The following TIMM17A variants were observed in gnomAD, a reference collection of about 807,000 sequenced individuals.
TIMM17A encodes translocase of inner mitochondrial membrane 17A.
Under a neutral mutation model 26.5 loss-of-function variants are expected in TIMM17A, and 15 were observed. That is an observed-to-expected ratio of 0.57 (90% confidence interval 0.38 to 0.87). TIMM17A has a LOEUF of 0.87. TIMM17A is among the 40% of genes least tolerant of loss of function. TIMM17A has a pLI of 0.00. For synonymous variants in TIMM17A, 80 were observed against 70.8 expected (o/e 1.13, Z -0.66); for missense variants, 201 against 210.0 (o/e 0.96, Z 0.27).
intron 5 of TIMM17A, among the ~76,000 whole-genome samples, chr1:201,966,657 A>G (rs1197033364): frequency 6.6e-6 from 1 of 151,998 alleles, no homozygotes; most frequent in Non-Finnish European, 1.5e-5. Context: ...CAGCCTGGCC[A>G]ACGTGGTGAA....
intron 3 of TIMM17A, among the ~76,000 whole-genome samples, chr1:201,959,727 CA>C (rs1682488576): frequency 2.0e-5 from 3 of 152,134 alleles, no homozygotes; most frequent in African/African-American, 7.2e-5. Flanking sequence ...GTAATCCCAG[CA>C]CTTTCGGAGG....
rs1308534553 is a variant in TIMM17A at position 201,957,281 on chromosome 1, C to T, written c.27C>T (p.Cys9=). The T allele has an allele frequency of 1.3e-6, 2 of 1,599,222 alleles. No homozygotes were observed. Among genetic ancestry groups the T allele is most frequent in the South Asian group, 1.1e-5 (1 of 90,250 alleles). ...GTCTTTTTTTTCCCCCTGTTCTTAG[C>T]CCATGGCGAATTGTGGATGACTGTG... MEEYAREP[C]PWRIVDDCGG... is the part of the protein sequence containing the mutation. The change falls in exon 2 of 6, where the codon TGC becomes TGT. Residue 9 remains cysteine, a splice_region_variant and synonymous_variant. Coordinates refer to ENST00000367287, the MANE Select transcript of TIMM17A (RefSeq NM_006335.3).
intron 4 of TIMM17A, among the ~76,000 whole-genome samples, chr1:201,964,111 A>G (rs900399265): frequency 1.3e-5 from 2 of 152,220 alleles, no homozygotes; most frequent in Admixed American, 6.5e-5. Context: ...AAAACTGAGC[A>G]TTGTTTAATT....
chr1:201,956,123 A>C lies in TIMM17A; in HGVS notation c.26+571A>C, dbSNP rs746214579. On this transcript the variant is annotated intron_variant, in intron 1 of 5. Coordinates refer to ENST00000367287, the MANE Select transcript of TIMM17A (RefSeq NM_006335.3). ...TTTTCCTTCTTGGAATTCTTTCTTG[A>C]GGGTAGAGGGGGACAAAAATTACCT... Among the ~76,000 whole-genome samples, 9 of 152,164 alleles carry C rather than the reference A, an allele frequency of 5.9e-5. No homozygotes were observed. In the South Asian group the frequency reaches 8.3e-4, roughly 14 times the overall value.
Position 201,969,814 on chromosome 1 carries a change from G to A in TIMM17A, c.*260G>A, listed in dbSNP as rs1571609249. ...ATCGCTAAAGGAAAATACAGTAAGTGCTTGAAAGATGAAGGACCAAAAGGC... is the reference window on the plus strand; with the variant it reads ...ATCGCTAAAGGAAAATACAGTAAGTACTTGAAAGATGAAGGACCAAAAGGC... On this transcript the variant is annotated 3_prime_UTR_variant, in exon 6 of 6. Transcript: ENST00000367287. The A allele has an allele frequency of 3.7e-6, 1 of 272,806 alleles. No homozygotes were observed. Among genetic ancestry groups the A allele is most frequent in the East Asian group, 7.3e-5 (1 of 13,610 alleles). 16.9% of individuals were successfully genotyped at this position (272,806 alleles called of 1,614,324 possible). A position where few individuals can be genotyped will look rare whatever the true frequency, so the allele number is the denominator to read the frequency against.
At chr1:201,958,395 A>G (rs777668034) in intron 3 of TIMM17A, among the ~76,000 whole-genome samples, 40 of 152,340 alleles carry the variant, frequency 2.6e-4, no homozygotes, top group Admixed American at 9.1e-4. Context: ...TTTGTAGGTT[A>G]TATTCACTTA....
At chr1:201,966,864 A>ATATATATGTTATATATATGC (rs1243348996) in intron 5 of TIMM17A, among the ~76,000 whole-genome samples, 6 of 138,114 alleles carry the variant, frequency 4.3e-5, no homozygotes, top group African/African-American at 1.6e-4. Flanking sequence ...TATATATAAC[A>ATATATATGTTATATATATGC]TATATATGTT....
chr1:201,961,447 G>A (rs1367234859), intron 3 of TIMM17A, among the ~76,000 whole-genome samples: 2 of 152,122 alleles, frequency 1.3e-5, no homozygotes, highest in East Asian at 3.9e-4. Context: ...CTTGCATTTT[G>A]GAAGAAGACG....
intron 1 of TIMM17A, among the ~76,000 whole-genome samples, chr1:201,956,574 T>G (rs1220725067): frequency 1.3e-5 from 2 of 152,230 alleles, no homozygotes; most frequent in African/African-American, 4.8e-5. Context: ...CTCAGATATG[T>G]AGGACTCAGC....
At chr1:201,955,688 G>A (rs936547750) in intron 1 of TIMM17A, 136 bp downstream of exon 1, 2 of 1,211,270 alleles carry the variant, frequency 1.7e-6, no homozygotes, top group Admixed American at 2.0e-5. Flanking sequence ...TGGGCAATGC[G>A]GTCTTTCGCG....
At chr1:201,962,289 T>A (rs1052315379) in intron 3 of TIMM17A, 2 of 152,240 alleles carry the variant, frequency 1.3e-5, no homozygotes, top group African/African-American at 4.8e-5. Flanking sequence ...TGTCTAATAT[T>A]GTACTAAAAA....
chr1:201,965,101 G>A (rs754418797), intron 4 of TIMM17A, among the ~76,000 whole-genome samples: 8 of 151,694 alleles, frequency 5.3e-5, no homozygotes, highest in Non-Finnish European at 8.8e-5. Flanking sequence ...ACAGGTGCCC[G>A]CCACCACGTC....
Position 201,955,682 on chromosome 1 carries a change from C to T in TIMM17A, c.26+130C>T. On this transcript the variant is annotated intron_variant, in intron 1 of 5. Transcript: ENST00000367287. ...CGTCGACTTGGGCCTGGTAACTGGGCAATGCGGTCTTTCGCGGCCAGTCGG... is the reference window on the plus strand; with the variant it reads ...CGTCGACTTGGGCCTGGTAACTGGGTAATGCGGTCTTTCGCGGCCAGTCGG... 10 of 1,278,638 alleles carry T rather than the reference C, an allele frequency of 7.8e-6. No homozygotes were observed. In the South Asian group the frequency reaches 9.9e-5, roughly 13 times the overall value. The allele number at this position is 1,278,638 out of a possible 1,614,324, so 79.2% of individuals were successfully genotyped here.
rs970147287 is a variant in TIMM17A, at chr1:201,957,442, G to A, written c.126+62G>A. ...CAACTTGGGTTTGATGATATTACTG[G>A]TGGTCCCATCAGTGGCTTAGAAATG... is the stretch of plus-strand genomic sequence containing the variant. On this transcript the variant is annotated intron_variant, in intron 2 of 5. Transcript: ENST00000367287. The A allele has an allele frequency of 2.5e-6, 4 of 1,573,374 alleles. No homozygotes were observed. In the African/African-American group the frequency reaches 4.1e-5, roughly 16 times the overall value.
In TIMM17A at chr1:201,969,490, C is replaced by A; in HGVS notation, c.452C>A (p.Pro151His). Reference protein sequence around the residue: ...FPNGPQFAEDPSQLPSTQLPS... With the variant: ...FPNGPQFAEDHSQLPSTQLPS... ...GCAGGTCCTCAGTTTGCAGAAGACC[C>A]CTCCCAGTTGCCTTCAACTCAGTTA... The change falls in exon 6 of 6, where the codon CCC becomes CAC. Residue 151 changes from proline (P) to histidine (H), a missense_variant. Coordinates refer to ENST00000367287, the MANE Select transcript of TIMM17A (RefSeq NM_006335.3). 6.2e-7 allele frequency: 1 copy of A among 1,613,406 alleles called. No individual in the cohort carries two copies. The highest frequency in any genetic ancestry group is 8.5e-7 in the Non-Finnish European group (1 of 1,179,650).
chr1:201,965,176 TC>T (rs1682607113), intron 4 of TIMM17A, among the ~76,000 whole-genome samples: 1 of 152,114 alleles, frequency 6.6e-6, no homozygotes, highest in Non-Finnish European at 1.5e-5. Flanking sequence ...GGTCTCGAAC[TC>T]CTGACCTCAT....
At position 201,957,272 on chromosome 1, in the gene TIMM17A, T is replaced by C. The variant is rs772023293; in HGVS notation, c.27-9T>C. ...AGAAATATGGTCTTTTTTTTCCCCC[T>C]GTTCTTAGCCCATGGCGAATTGTGG... On this transcript the variant is annotated splice_polypyrimidine_tract_variant and intron_variant, in intron 1 of 5. Transcript: ENST00000367287. 1.4e-5 allele frequency: 22 copies of C among 1,570,128 alleles called. No homozygotes were observed. Among genetic ancestry groups the C allele is most frequent in the Non-Finnish European group, 1.7e-5 (20 of 1,143,648 alleles).
intron 1 of TIMM17A, 68 bp from the exon 2 acceptor site, chr1:201,957,212 TG>T: frequency 1.0e-6 from 1 of 994,448 alleles, no homozygotes; most frequent in East Asian, 2.4e-5. Flanking sequence ...TAATCCTTAC[TG>T]TATTGGCAAA....
At chr1:201,967,015 G>GTATA (rs1553301543) in intron 5 of TIMM17A, among the ~76,000 whole-genome samples, 28 of 118,828 alleles carry the variant, frequency 2.4e-4, no homozygotes, top group African/African-American at 8.5e-4. Context: ...GTGTGTGTGT[G>GTATA]TATATATATA....
Sources: allele counts gnomAD v4.1 joint callset (sites outside exome capture counted in the v4.1 genomes callset), GRCh38; gene constraint gnomAD v4.1.1; transcripts MANE v1.5; gene names NCBI Gene and HGNC (gene_info 2026-07-23, HGNC 2026-07-21).